The following CBFB variants were observed in gnomAD, a reference collection of about 807,000 sequenced individuals.
CBFB encodes the protein core-binding factor subunit beta, also known as CBF-beta.
A neutral mutation model predicts 30.4 loss-of-function variants in CBFB; 9 were observed. That is an observed-to-expected ratio of 0.30 (90% CI 0.18 to 0.52). The LOEUF is 0.52. Among genes scored for constraint, CBFB ranks in the 20% least tolerant of loss-of-function variants. CBFB has a pLI of 0.97. For synonymous variants in CBFB, 94 were observed against 84.0 expected (o/e 1.12, Z -0.65); for missense variants, 170 against 244.0 (o/e 0.70, Z 2.02).
At chr16:67,063,944 A>T (rs949521123) in intron 3 of CBFB, among the ~76,000 whole-genome samples, 2 of 152,202 alleles carry the variant, frequency 1.3e-5, no homozygotes, top group African/African-American at 4.8e-5. Flanking sequence ...AGATTTTTAT[A>T]TAATTAAACA....
intron 5 of CBFB, among the ~76,000 whole-genome samples, chr16:67,085,457 A>G (rs951956153): frequency 1.5e-5 from 2 of 134,096 alleles, no homozygotes; most frequent in Admixed American, 1.8e-4. Context: ...GGAGTGAGCC[A>G]CCGTGCCCAG....
At position 67,029,165 on chromosome 16, in the gene CBFB, G is replaced by C. The variant is rs1966281060; in HGVS notation, c.-243G>C. On this transcript the variant is annotated 5_prime_UTR_variant, in exon 1 of 6. Coordinates refer to ENST00000412916, the MANE Select transcript of CBFB (RefSeq NM_022845.3). ...GCCGGGGGCGGTGAGCGCTGGGGCT[G>C]CGCGGGCGGCAGGCAACGGCTGAGG... 1 of 173,404 alleles carries C rather than the reference G, an allele frequency of 5.8e-6. No individual in the cohort carries two copies. The highest frequency in any genetic ancestry group is 1.1e-5 in the Non-Finnish European group (1 of 87,102). The allele number at this position is 173,404 out of a possible 1,614,324, so 10.7% of individuals were successfully genotyped here.
At chr16:67,061,861 G>A (rs1234189660) in intron 3 of CBFB, among the ~76,000 whole-genome samples, 1 of 151,846 alleles carries the variant, frequency 6.6e-6, no homozygotes, top group Admixed American at 6.6e-5. Context: ...GTGAAACCCC[G>A]TCTCTACTGA....
intron 5 of CBFB, among the ~76,000 whole-genome samples, chr16:67,091,224 G>T (rs1359687108): frequency 6.6e-6 from 1 of 152,174 alleles, no homozygotes; most frequent in Non-Finnish European, 1.5e-5. Context: ...AGGAGCAATA[G>T]ACTTTATTAA....
At chr16:67,086,427 A>G (rs961579516) in intron 5 of CBFB, among the ~76,000 whole-genome samples, 4 of 152,216 alleles carry the variant, frequency 2.6e-5, no homozygotes, top group African/African-American at 4.8e-5. Flanking sequence ...TTATTGAACA[A>G]CATGTTGAAA....
At chr16:67,051,149 A>T (rs1484549230) in intron 3 of CBFB, among the ~76,000 whole-genome samples, 1 of 152,172 alleles carries the variant, frequency 6.6e-6, no homozygotes, top group African/African-American at 2.4e-5. Context: ...CTTTTAAGTT[A>T]TTTTTCATTT....
At chr16:67,040,468 A>G (rs1966511490) in intron 3 of CBFB, among the ~76,000 whole-genome samples, 1 of 152,204 alleles carries the variant, frequency 6.6e-6, no homozygotes, top group African/African-American at 2.4e-5. Context: ...AATCATTGTA[A>G]TCCTTAGTTG....
At chr16:67,078,610 A>G (rs1202917017) in intron 4 of CBFB, among the ~76,000 whole-genome samples, 1 of 152,120 alleles carries the variant, frequency 6.6e-6, no homozygotes, top group Non-Finnish European at 1.5e-5. Flanking sequence ...GCTACCAAAT[A>G]TCTCCTGGCT....
At chr16:67,053,451 G>A (rs1390359972) in intron 3 of CBFB, among the ~76,000 whole-genome samples, 1 of 151,626 alleles carries the variant, frequency 6.6e-6, no homozygotes, top group Non-Finnish European at 1.5e-5. Context: ...GAGATGGGGT[G>A]TCACTGTGTT....
At chr16:67,044,790 C>T (rs534276400) in intron 3 of CBFB, among the ~76,000 whole-genome samples, 1 of 152,266 alleles carries the variant, frequency 6.6e-6, no homozygotes, top group East Asian at 1.9e-4. Flanking sequence ...TTGATGTTAG[C>T]TTTGAGAAAT....
chr16:67,049,402 A>G (rs889441177), intron 3 of CBFB, among the ~76,000 whole-genome samples: 2 of 151,726 alleles, frequency 1.3e-5, no homozygotes, highest in Non-Finnish European at 1.5e-5. Flanking sequence ...CGGTTTCACC[A>G]TGTTGGCCAG....
At chr16:67,092,325 C>T (rs1479914051) in intron 5 of CBFB, among the ~76,000 whole-genome samples, 1 of 152,082 alleles carries the variant, frequency 6.6e-6, no homozygotes, top group Non-Finnish European at 1.5e-5. Context: ...ATTCCTTTCT[C>T]TCATGTTGAG....
chr16:67,034,089 A>T lies in CBFB; in HGVS notation c.166-2550A>T, dbSNP rs573437543. Among the ~76,000 whole-genome samples, 282 of 152,214 alleles carry T rather than the reference A, an allele frequency of 1.9e-3. 1 individual carries two copies. The highest frequency in any genetic ancestry group is 6.6e-3 in the African/African-American group (272 of 41,518). ...GTGATCTGCCTGTGTTGGCCTCCCA[A>T]AGTGCTGGGATTACAGGCTTGAGCC... On this transcript the variant is annotated intron_variant, in intron 2 of 5. Coordinates refer to ENST00000412916, the MANE Select transcript of CBFB (RefSeq NM_022845.3).
At chr16:67,056,727 G>A (rs989788623) in intron 3 of CBFB, among the ~76,000 whole-genome samples, 1 of 151,300 alleles carries the variant, frequency 6.6e-6, no homozygotes, top group East Asian at 1.9e-4. Flanking sequence ...CTGTCACCAG[G>A]TTGGAGTGCA....
intron 5 of CBFB, among the ~76,000 whole-genome samples, chr16:67,097,473 A>G (rs181514222): frequency 6.8e-6 from 1 of 146,772 alleles, no homozygotes; most frequent in East Asian, 2.1e-4. Flanking sequence ...TGAACCCGGG[A>G]GTTGGAGGTT....
At chr16:67,057,638 CTTG>C (rs1960768985) in intron 3 of CBFB, among the ~76,000 whole-genome samples, 1 of 151,988 alleles carries the variant, frequency 6.6e-6, no homozygotes. Flanking sequence ...AAATAGTTAT[CTTG>C]TTCTGATTTA....
chr16:67,041,057 AACCACATGGGCTTTTTATTC>A (rs1966520128), intron 3 of CBFB, among the ~76,000 whole-genome samples: 1 of 152,228 alleles, frequency 6.6e-6, no homozygotes, highest in South Asian at 2.1e-4. Context: ...AGGCCATTGT[AACCACATGGGCTTTTTATTC>A]TGAGTGAGAT....
chr16:67,099,474 G>A lies in CBFB; in HGVS notation c.*696G>A, dbSNP rs975691863. ...TCGCAGTGTTGCCCAGGCTGGTCTC[G>A]AACTCCTGGCATCAAGCGATCCTCC... On this transcript the variant is annotated 3_prime_UTR_variant, in exon 6 of 6. Transcript: ENST00000412916. 6.0e-5 allele frequency: 12 copies of A among 200,466 alleles called. No individual in the cohort carries two copies. Among genetic ancestry groups the A allele is most frequent in the Non-Finnish European group, 8.2e-5 (8 of 97,988 alleles). 12.4% of individuals were successfully genotyped at this position (200,466 alleles called of 1,614,324 possible). A position where few individuals can be genotyped will look rare whatever the true frequency, so the allele number is the denominator to read the frequency against.
At position 67,082,219 on chromosome 16, in the gene CBFB, G is replaced by A. The variant is rs1567621980; in HGVS notation, c.406G>A (p.Asp136Asn). Residue 136 changes from aspartate to asparagine, a missense_variant, in exon 5 of 6, where the codon GAT (aspartate) becomes AAT (asparagine). By Grantham distance (23) the Asp-to-Asn change is conservative. Transcript: ENST00000412916. ...ATTTCATGTATTCTGACAGCAGGAG[G>A]ATGCATTAGCACAACAGGCCTTTGA... ...EFDEERAQQEDALAQQAFEEA... is the reference protein window; with the variant it reads ...EFDEERAQQENALAQQAFEEA... 1 of 1,591,610 alleles carries A rather than the reference G, an allele frequency of 6.3e-7. No homozygotes were observed. The highest frequency in any genetic ancestry group is 2.2e-5 in the East Asian group (1 of 44,606).
Sources: gnomAD v4.1 joint callset for allele counts (sites outside exome capture counted in the v4.1 genomes callset) on GRCh38, gnomAD v4.1.1 for gene constraint, MANE v1.5 for transcripts, NCBI Gene and HGNC (gene_info 2026-07-23, HGNC 2026-07-21) for gene names.